The following AGAP1 variants were observed in gnomAD, a reference collection of about 807,000 sequenced individuals.
AGAP1 encodes the protein ArfGAP with GTPase domain, ankyrin repeat and PH domain 1, also known as arf-GAP with GTPase, ANK repeat and PH domain-containing protein 1.
A neutral mutation model predicts 105.3 loss-of-function variants in AGAP1; 29 were observed. The observed-to-expected ratio is 0.28, with a 90% CI of 0.21 to 0.38. The LOEUF (loss-of-function observed/expected upper bound fraction) is 0.38. AGAP1 is among the 10% of genes least tolerant of loss of function. AGAP1 has a pLI of 1.00. For synonymous variants in AGAP1, 509 were observed against 485.9 expected, an observed-to-expected ratio of 1.05 and a Z score of -0.63; for missense variants, 998 against 1,165.1, an observed-to-expected ratio of 0.86 and a Z score of 2.09.
chr2:235,711,434 T>C (rs893138965), intron 2 of AGAP1, among the ~76,000 whole-genome samples: 1 of 152,216 alleles, frequency 6.6e-6, no homozygotes, highest in African/African-American at 2.4e-5. Context: ...TGAAAGCATA[T>C]GATTTTCTGG....
rs570210162 is a variant in AGAP1 at position 236,089,710 on chromosome 2, C to T, written c.2115-30482C>T. On this transcript the variant is annotated intron_variant, in intron 16 of 17. Coordinates refer to ENST00000304032, the MANE Select transcript of AGAP1 (RefSeq NM_001037131.3). This position sits in a 1 kb window ranked among gnomAD's most constrained non-coding sequence, Gnocchi z 5.6. ...CATTAATATGCTGCTTTTCAGACAT[C>T]CAAATGGGGGATTGAACTGTGAGAG... Among the ~76,000 whole-genome samples, 19 of 152,260 alleles carry T rather than the reference C, an allele frequency of 1.2e-4. No individual in the cohort carries two copies. Among genetic ancestry groups the T allele is most frequent in the South Asian group, 1.0e-3 (5 of 4,804 alleles).
chr2:235,824,002 G>A lies in AGAP1; in HGVS notation c.1050+16671G>A, dbSNP rs1958940064. On this transcript the variant is annotated intron_variant, in intron 9 of 17. Coordinates refer to ENST00000304032, the MANE Select transcript of AGAP1 (RefSeq NM_001037131.3). The surrounding 1 kb of genome is among the most constrained non-coding windows in gnomAD (Gnocchi z 5.2). Reference sequence around the variant, plus strand: ...GAGGCAAAGATAAGATTCAAACCCAGGTCTGCCTATCCTAAAACCAGTGGT... The same window carrying A: ...GAGGCAAAGATAAGATTCAAACCCAAGTCTGCCTATCCTAAAACCAGTGGT... 2.0e-5 allele frequency among the ~76,000 whole-genome samples: 3 copies of A among 152,136 alleles called. No homozygotes were observed. Among genetic ancestry groups the A allele is most frequent in the Admixed American group, 2.0e-4 (3 of 15,270 alleles).
chr2:236,110,469 A>G (rs1033609988), intron 16 of AGAP1, among the ~76,000 whole-genome samples: 2 of 151,992 alleles, frequency 1.3e-5, no homozygotes, highest in African/African-American at 4.8e-5. Context: ...AGGCTGAGGC[A>G]GGAGGATGAC....
intron 1 of AGAP1, among the ~76,000 whole-genome samples, chr2:235,602,705 C>A (rs562204632): frequency 8.3e-6 from 1 of 119,776 alleles, no homozygotes; most frequent in Admixed American, 7.5e-5. Context: ...AGACACATTT[C>A]TTTTTCTTTT....
chr2:235,671,825 G>T (rs144907105), intron 1 of AGAP1, among the ~76,000 whole-genome samples: 325 of 152,306 alleles, frequency 2.1e-3, no homozygotes, highest in African/African-American at 7.2e-3. Context: ...GGGATCTCCA[G>T]CCAGATATGT....
At chr2:235,984,618 A>G (rs2055232253) in intron 13 of AGAP1, among the ~76,000 whole-genome samples, 1 of 151,534 alleles carries the variant, frequency 6.6e-6, no homozygotes, top group Admixed American at 6.6e-5. Context: ...CGACCCCCAA[A>G]CAGGCCCTGG....
intron 8 of AGAP1, among the ~76,000 whole-genome samples, chr2:235,806,646 C>G (rs1284965986): frequency 2.0e-5 from 3 of 152,182 alleles, no homozygotes; most frequent in Admixed American, 6.5e-5. Context: ...AGGCGATTAT[C>G]AGGGGTTTTT....
rs1004837098 is a variant in AGAP1 at position 235,744,465 on chromosome 2, G to T, written c.397-233G>T. ...GTCCTCTGAAGACAGAGTGGCTTGG[G>T]TGGGAACAGGATGAAGGGCCCATTC... On this transcript the variant is annotated intron_variant, in intron 4 of 17. Coordinates refer to ENST00000304032, the MANE Select transcript of AGAP1 (RefSeq NM_001037131.3). This position sits in a 1 kb window ranked among gnomAD's most constrained non-coding sequence, Gnocchi z 5.2. 1.3e-5 allele frequency among the ~76,000 whole-genome samples: 2 copies of T among 152,188 alleles called. No homozygotes were observed. Among genetic ancestry groups the T allele is most frequent in the Non-Finnish European group, 2.9e-5 (2 of 68,040 alleles).
At chr2:235,932,376 A>T (rs949915862) in intron 12 of AGAP1, among the ~76,000 whole-genome samples, 3 of 152,262 alleles carry the variant, frequency 2.0e-5, no homozygotes, top group Admixed American at 2.0e-4. Flanking sequence ...ACCACTGTTA[A>T]TCATGGTTCC....
intron 11 of AGAP1, among the ~76,000 whole-genome samples, chr2:235,912,921 T>C (rs2051689800): frequency 6.6e-6 from 1 of 152,252 alleles, no homozygotes; most frequent in African/African-American, 2.4e-5. Flanking sequence ...TGTATGTGTT[T>C]CTTACGTTGT....
intron 1 of AGAP1, among the ~76,000 whole-genome samples, chr2:235,512,379 T>C (rs960196856): frequency 2.7e-4 from 41 of 152,142 alleles, no homozygotes; most frequent in Admixed American, 5.9e-4. Context: ...GGAGGATTGC[T>C]TGAAGCTAGG....
rs189011119 is a variant in AGAP1, at chr2:235,620,928, G to C, written c.164-88251G>C. Among the ~76,000 whole-genome samples the C allele has an allele frequency of 4.7e-4, 72 of 152,344 alleles. 1 individual carries two copies. The East Asian group carries it at 0.013, about 28-fold the overall frequency. ...CTCCCCATCACCTCTGATGGAGGGG[G>C]CTGGGGTCTGTTGTGAGTTCAGGAG... On this transcript the variant is annotated intron_variant, in intron 1 of 17. Transcript: ENST00000304032. The surrounding 1 kb of genome is among the most constrained non-coding windows in gnomAD (Gnocchi z 4.5).
rs555286780 is a variant in AGAP1 at position 235,874,478 on chromosome 2, G to A, written c.1051-8867G>A. Among the ~76,000 whole-genome samples the A allele has an allele frequency of 5.3e-5, 8 of 152,326 alleles. No homozygotes were observed. The South Asian group carries it at 1.7e-3, about 32-fold the overall frequency. ...ATGCCTCCTTGGGGCCAGGGCTGTGGTTATAGTTGCTGTCCATCACTCTAG... is the reference window on the plus strand; with the variant it reads ...ATGCCTCCTTGGGGCCAGGGCTGTGATTATAGTTGCTGTCCATCACTCTAG... On this transcript the variant is annotated intron_variant, in intron 9 of 17. Coordinates refer to ENST00000304032, the MANE Select transcript of AGAP1 (RefSeq NM_001037131.3). The surrounding 1 kb of genome is among the most constrained non-coding windows in gnomAD (Gnocchi z 4.5).
Position 236,125,690 on chromosome 2 carries a change from C to T in AGAP1, c.*1568C>T, listed in dbSNP as rs1384197567. ...ACAGACTGGCTCCTGAGAACCCAGA[C>T]GACCTTGACCTGGCAGCCCGGCCCT... On this transcript the variant is annotated 3_prime_UTR_variant, in exon 18 of 18. Transcript: ENST00000304032. This position sits in a 1 kb window ranked among gnomAD's most constrained non-coding sequence, Gnocchi z 5.2. 6.6e-6 allele frequency: 1 copy of T among 152,178 alleles called. No homozygotes were observed. The highest frequency in any genetic ancestry group is 1.5e-5 in the Non-Finnish European group (1 of 68,046). The allele number at this position is 152,178 out of a possible 1,614,324, so 9.4% of individuals were successfully genotyped here.
Position 236,051,491 on chromosome 2 carries a change from G to GGGCCAA in AGAP1, c.2114+2212_2114+2213insCCAAGG, listed in dbSNP as rs573809970. ...GGGGTGATTCCCAGGGCCAGGGCCAGGGGACCAGGTGGGAAGGCGGGCTGG... is the reference window on the plus strand; with the variant it reads ...GGGGTGATTCCCAGGGCCAGGGCCAGGGCCAAGGGACCAGGTGGGAAGGCGGGCTGG... On this transcript the variant is annotated intron_variant, in intron 16 of 17. Transcript: ENST00000304032. This position sits in a 1 kb window ranked among gnomAD's most constrained non-coding sequence, Gnocchi z 5.9. 2.9e-4 allele frequency among the ~76,000 whole-genome samples: 44 copies of GGGCCAA among 152,154 alleles called. No homozygotes were observed. Among genetic ancestry groups the GGGCCAA allele is most frequent in the Non-Finnish European group, 5.0e-4 (34 of 68,030 alleles).
chr2:235,766,386 C>A (rs571739598), intron 6 of AGAP1, among the ~76,000 whole-genome samples: 1 of 152,112 alleles, frequency 6.6e-6, no homozygotes, highest in Non-Finnish European at 1.5e-5. Flanking sequence ...TTTAGTAAAC[C>A]GCCACTAGGG....
rs1266057776 is a variant in AGAP1, at chr2:235,601,739, CT to C, written c.163+106891del. ...AGGTGTGGTGGCTCACACTTGTAATCTCAGTGCTGAGGCGGGAGGATCACTG... is the reference window on the plus strand; with the variant it reads ...AGGTGTGGTGGCTCACACTTGTAATCCAGTGCTGAGGCGGGAGGATCACTG... On this transcript the variant is annotated intron_variant, in intron 1 of 17. Transcript: ENST00000304032. The surrounding 1 kb of genome is among the most constrained non-coding windows in gnomAD (Gnocchi z 4.4). Among the ~76,000 whole-genome samples the C allele has an allele frequency of 6.6e-6, 1 of 152,166 alleles. No individual in the cohort carries two copies. The highest frequency in any genetic ancestry group is 2.4e-5 in the African/African-American group (1 of 41,432).
chr2:236,092,953 G>GAA lies in AGAP1; in HGVS notation c.2115-27239_2115-27238insAA, dbSNP rs2059101436. Among the ~76,000 whole-genome samples, 1 of 152,214 alleles carries GAA rather than the reference G, an allele frequency of 6.6e-6. No individual in the cohort carries two copies. Among genetic ancestry groups the GAA allele is most frequent in the Non-Finnish European group, 1.5e-5 (1 of 68,042 alleles). ...AGGAGCGGCTCCAGGCCTCCCACTGGCCAAATCTGGAACAATTGAAGCATC... is the reference window on the plus strand; with the variant it reads ...AGGAGCGGCTCCAGGCCTCCCACTGGAACCAAATCTGGAACAATTGAAGCATC... On this transcript the variant is annotated intron_variant, in intron 16 of 17. Coordinates refer to ENST00000304032, the MANE Select transcript of AGAP1 (RefSeq NM_001037131.3). This position sits in a 1 kb window ranked among gnomAD's most constrained non-coding sequence, Gnocchi z 4.7.
rs1185426827 is a variant in AGAP1 at position 236,001,170 on chromosome 2, G to A, written c.1645+32547G>A. Among the ~76,000 whole-genome samples, 2 of 152,330 alleles carry A rather than the reference G, an allele frequency of 1.3e-5. No homozygotes were observed. Among genetic ancestry groups the A allele is most frequent in the East Asian group, 1.9e-4 (1 of 5,162 alleles). Reference sequence around the variant, plus strand: ...TGGCGGTGGCTGGGGCAGCGCGGCTGTGGGGCAGAGAATGCTGAGATAAAC... The same window carrying A: ...TGGCGGTGGCTGGGGCAGCGCGGCTATGGGGCAGAGAATGCTGAGATAAAC... On this transcript the variant is annotated intron_variant, in intron 13 of 17. Transcript: ENST00000304032. This position sits in a 1 kb window ranked among gnomAD's most constrained non-coding sequence, Gnocchi z 4.7.
Sources: allele counts gnomAD v4.1 joint callset (sites outside exome capture counted in the v4.1 genomes callset), GRCh38; gene constraint gnomAD v4.1.1; non-coding constraint Gnocchi (gnomAD v3.1); transcripts MANE v1.5; gene names NCBI Gene and HGNC (gene_info 2026-07-23, HGNC 2026-07-21).